Variants in SUSD5 observed in about 807,000 individuals in gnomAD.
The protein encoded by SUSD5 is sushi domain containing 5.
SUSD5 carries 33 observed loss-of-function variants against 29.5 expected under a neutral mutation model. The observed-to-expected ratio is 1.12, with a 90% CI of 0.85 to 1.49. SUSD5 has a LOEUF of 1.49. SUSD5 is among the 40% of genes most tolerant of loss of function. The probability of loss-of-function intolerance (pLI) is 0.00; values close to 1 mark genes in which losing one functional copy is unlikely to be tolerated. For synonymous variants in SUSD5, 308 were observed against 325.3 expected (o/e 0.95, Z 0.57); for missense variants, 776 against 800.6 (o/e 0.97, Z 0.37).
chr3:33,177,031 T>C (rs1380439087), intron 3 of SUSD5, among the ~76,000 whole-genome samples: 1 of 152,248 alleles, frequency 6.6e-6, no homozygotes, highest in African/African-American at 2.4e-5. Flanking sequence ...GGTTCAGCCC[T>C]TTGACTTTGT....
chr3:33,211,316 C>G (rs1237053523), intron 2 of SUSD5, among the ~76,000 whole-genome samples: 1 of 152,202 alleles, frequency 6.6e-6, no homozygotes, highest in Non-Finnish European at 1.5e-5. Context: ...GCATACAATG[C>G]TTGAGAGACC....
chr3:33,195,306 G>T (rs538054002), intron 3 of SUSD5, among the ~76,000 whole-genome samples: 1 of 152,084 alleles, frequency 6.6e-6, no homozygotes, highest in South Asian at 2.1e-4. Context: ...AACTCTTTTC[G>T]CTTGTCCTAT....
Position 33,153,833 on chromosome 3 carries a change from CAAAG to C in SUSD5, c.795_798del (p.Phe266CysfsTer61). On this transcript the variant is annotated frameshift_variant, in exon 5 of 5. Transcript: ENST00000309558. LOFTEE classifies it low-confidence loss of function (END_TRUNC). ...GCACCAGGCAAGCCTGTGGTTGGCA[CAAAG>C]ACTTTATCCCGGGCTATGTTTTCTC... The C allele has an allele frequency of 6.2e-7, 1 of 1,613,982 alleles. No individual in the cohort carries two copies. Among genetic ancestry groups the C allele is most frequent in the African/African-American group, 1.3e-5 (1 of 75,060 alleles).
intron 4 of SUSD5, among the ~76,000 whole-genome samples, chr3:33,157,596 A>G (rs907831964): frequency 3.3e-5 from 5 of 152,216 alleles, no homozygotes; most frequent in African/African-American, 1.2e-4. Flanking sequence ...TCCTTTTGCA[A>G]TGTGACTTTG....
chr3:33,198,196 T>C (rs1269222568), intron 3 of SUSD5, among the ~76,000 whole-genome samples: 3 of 152,228 alleles, frequency 2.0e-5, no homozygotes, highest in Admixed American at 6.5e-5. Context: ...CTCATACTTA[T>C]TGAGGTGTTA....
chr3:33,155,638 A>C (rs1305024003), intron 4 of SUSD5, among the ~76,000 whole-genome samples: 2 of 152,220 alleles, frequency 1.3e-5, no homozygotes, highest in African/African-American at 4.8e-5. Flanking sequence ...AACTGGAAGC[A>C]ATTCAAATGT....
At chr3:33,158,956 C>G (rs144757576) in intron 4 of SUSD5, among the ~76,000 whole-genome samples, 2 of 152,340 alleles carry the variant, frequency 1.3e-5, no homozygotes, top group Non-Finnish European at 2.9e-5. Context: ...TGAAGAACCC[C>G]AGATTCTATT....
Position 33,151,911 on chromosome 3 carries a change from A to G in SUSD5, c.*831T>C, listed in dbSNP as rs2030906941. ...TAAATTCTAATTTCAAGAAACAATG[A>G]AAAAAGAAACCTCAAAGCTTCTAGA... is the stretch of plus-strand genomic sequence containing the variant. On this transcript the variant is annotated 3_prime_UTR_variant, in exon 5 of 5. Transcript: ENST00000309558. The G allele has an allele frequency of 6.6e-6, 1 of 152,228 alleles. No individual in the cohort carries two copies. The highest frequency in any genetic ancestry group is 2.4e-5 in the African/African-American group (1 of 41,454). The allele number at this position is 152,228 out of a possible 1,614,324, so 9.4% of individuals were successfully genotyped here.
chr3:33,204,882 G>C lies in SUSD5; in HGVS notation c.409+2926C>G, dbSNP rs1478454881. 1.3e-5 allele frequency among the ~76,000 whole-genome samples: 2 copies of C among 151,930 alleles called. No homozygotes were observed. The highest frequency in any genetic ancestry group is 3.9e-4 in the East Asian group (2 of 5,184). On this transcript the variant is annotated intron_variant, in intron 3 of 4. Transcript: ENST00000309558. This position sits in a 1 kb window ranked among gnomAD's most constrained non-coding sequence, Gnocchi z 4.5. ...AGTTACATAAACATTATAAAAGCAA[G>C]GAACCCACCTTTTATGCAGGTTCAC... is the stretch of plus-strand genomic sequence containing the variant.
At chr3:33,192,015 T>C (rs2031902408) in intron 3 of SUSD5, among the ~76,000 whole-genome samples, 1 of 152,152 alleles carries the variant, frequency 6.6e-6, no homozygotes, top group Non-Finnish European at 1.5e-5. Flanking sequence ...CTGAGTGCTA[T>C]CATTGTTTGT....
intron 4 of SUSD5, among the ~76,000 whole-genome samples, chr3:33,159,014 C>T (rs938660053): frequency 3.3e-5 from 5 of 152,202 alleles, no homozygotes; most frequent in Admixed American, 2.0e-4. Context: ...TGCACGAATC[C>T]GGAGAGTGCA....
intron 3 of SUSD5, among the ~76,000 whole-genome samples, chr3:33,178,761 G>A (rs2031607474): frequency 1.3e-5 from 2 of 152,152 alleles, no homozygotes; most frequent in African/African-American, 4.8e-5. Flanking sequence ...TTTTTGTAAT[G>A]TCTTTGTTTG....
At position 33,206,893 on chromosome 3, in the gene SUSD5, A is replaced by G. The variant is rs370938590; in HGVS notation, c.409+915T>C. ...TCTTTAGCGCTGGCACTGAGGCATCAGTATTTTTTAATTACTCCCCCCACC... is the reference window on the plus strand; with the variant it reads ...TCTTTAGCGCTGGCACTGAGGCATCGGTATTTTTTAATTACTCCCCCCACC... On this transcript the variant is annotated intron_variant, in intron 3 of 4. Transcript: ENST00000309558. Among the ~76,000 whole-genome samples the G allele has an allele frequency of 9.8e-4, 149 of 152,332 alleles. 8 individuals carry two copies. The South Asian group carries it at 0.029, about 30-fold the overall frequency.
chr3:33,159,764 C>G (rs1203848145), intron 4 of SUSD5, among the ~76,000 whole-genome samples: 3 of 151,992 alleles, frequency 2.0e-5, no homozygotes, highest in African/African-American at 7.3e-5. Context: ...ATGTGAATTT[C>G]TAAAAATGAG....
chr3:33,160,507 A>G (rs1283802867), intron 4 of SUSD5, among the ~76,000 whole-genome samples: 3 of 152,106 alleles, frequency 2.0e-5, no homozygotes, highest in Non-Finnish European at 4.4e-5. Flanking sequence ...GTGGGCCATG[A>G]CGTGCCACTG....
chr3:33,176,221 TCA>T (rs1266784774), intron 3 of SUSD5, among the ~76,000 whole-genome samples: 1 of 152,254 alleles, frequency 6.6e-6, no homozygotes, highest in Non-Finnish European at 1.5e-5. Context: ...TCTGGATGTA[TCA>T]CAGTTTATTT....
chr3:33,191,576 G>A (rs114323778), intron 3 of SUSD5, among the ~76,000 whole-genome samples: 96 of 152,200 alleles, frequency 6.3e-4, no homozygotes, highest in African/African-American at 2.1e-3. Context: ...AAGTGGAACC[G>A]ATGGATGAAA....
chr3:33,191,324 G>A (rs879774949), intron 3 of SUSD5, among the ~76,000 whole-genome samples: 5 of 151,952 alleles, frequency 3.3e-5, no homozygotes, highest in African/African-American at 9.7e-5. Flanking sequence ...TAGAGACAAG[G>A]TTTCACCGTG....
At position 33,204,969 on chromosome 3, in the gene SUSD5, C is replaced by T. The variant is rs1253946306; in HGVS notation, c.409+2839G>A. Among the ~76,000 whole-genome samples, 1 of 152,028 alleles carries T rather than the reference C, an allele frequency of 6.6e-6. No individual in the cohort carries two copies. Among genetic ancestry groups the T allele is most frequent in the Non-Finnish European group, 1.5e-5 (1 of 68,002 alleles). ...TCTCTTCTCTCTCTTCCTCTCTCCACACCTCTTCCTCTCTCCACACCACAC... is the reference window on the plus strand; with the variant it reads ...TCTCTTCTCTCTCTTCCTCTCTCCATACCTCTTCCTCTCTCCACACCACAC... On this transcript the variant is annotated intron_variant, in intron 3 of 4. Transcript: ENST00000309558. The surrounding 1 kb of genome is among the most constrained non-coding windows in gnomAD (Gnocchi z 4.5).
Sources: allele counts gnomAD v4.1 joint callset (sites outside exome capture counted in the v4.1 genomes callset), GRCh38; gene constraint gnomAD v4.1.1; non-coding constraint Gnocchi (gnomAD v3.1); transcripts MANE v1.5; gene names NCBI Gene and HGNC (gene_info 2026-07-23, HGNC 2026-07-21).